The following ST18 variants were observed in gnomAD, a reference collection of about 807,000 sequenced individuals.
ST18 encodes ST18 C2H2C-type zinc finger transcription factor.
A neutral mutation model predicts 110.0 loss-of-function variants in ST18; 50 were observed. The observed-to-expected ratio is 0.45, with a 90% CI of 0.36 to 0.58. ST18 has a LOEUF of 0.58. Ranked by LOEUF, ST18 falls within the 20% of genes least tolerant of loss-of-function variation. The probability of loss-of-function intolerance (pLI) is 0.00; values close to 1 mark genes in which losing one functional copy is unlikely to be tolerated. For missense variants in ST18, 1,306 were observed against 1,280.1 expected, an observed-to-expected ratio of 1.02 and a Z score of -0.31; for synonymous variants, 461 against 452.4, an observed-to-expected ratio of 1.02 and a Z score of -0.24.
intron 8 of ST18, among the ~76,000 whole-genome samples, chr8:52,207,962 A>G (rs1191376772): frequency 1.3e-5 from 2 of 152,266 alleles, no homozygotes; most frequent in Non-Finnish European, 2.9e-5. Flanking sequence ...GTCATGATTT[A>G]GAAAGACACA....
At chr8:52,400,882 C>G (rs1395096370) in intron 2 of ST18, among the ~76,000 whole-genome samples, 3 of 152,052 alleles carry the variant, frequency 2.0e-5, no homozygotes, top group African/African-American at 7.2e-5. Context: ...ATTACATATT[C>G]TGAATTTGAC....
intron 8 of ST18, among the ~76,000 whole-genome samples, chr8:52,196,178 T>C (rs1222032629): frequency 1.3e-5 from 2 of 152,170 alleles, no homozygotes; most frequent in African/African-American, 4.8e-5. Context: ...GGTGCCCTTG[T>C]CTCTCCCCTT....
At chr8:52,212,164 C>G in intron 7 of ST18, 55 bp from the exon 8 acceptor site, 1 of 1,548,706 alleles carries the variant, frequency 6.5e-7, no homozygotes, top group Non-Finnish European at 8.7e-7. Context: ...ATTTTCAAAA[C>G]TGTATAATGG....
intron 2 of ST18, among the ~76,000 whole-genome samples, chr8:52,281,475 A>G (rs909847794): frequency 2.6e-5 from 4 of 152,230 alleles, no homozygotes; most frequent in Admixed American, 2.0e-4. Flanking sequence ...AATGCGAAAG[A>G]AGGAAAACTC....
At chr8:52,327,336 A>G (rs1806969791) in intron 2 of ST18, among the ~76,000 whole-genome samples, 1 of 152,194 alleles carries the variant, frequency 6.6e-6, no homozygotes, top group African/African-American at 2.4e-5. Flanking sequence ...ATGTGGCAAG[A>G]CTGGTCAGCC....
intron 2 of ST18, among the ~76,000 whole-genome samples, chr8:52,308,218 A>T (rs753739759): frequency 1.3e-5 from 2 of 152,196 alleles, no homozygotes; most frequent in African/African-American, 2.4e-5. Flanking sequence ...AATCAAACCA[A>T]GGCGAAAAAA....
intron 2 of ST18, among the ~76,000 whole-genome samples, chr8:52,353,405 A>G (rs1231013006): frequency 1.3e-5 from 2 of 152,356 alleles, no homozygotes; most frequent in South Asian, 2.1e-4. Flanking sequence ...TGTTGTAGAA[A>G]GGCCTTTGGG....
At chr8:52,369,865 T>C (rs1185496444) in intron 2 of ST18, among the ~76,000 whole-genome samples, 1 of 152,200 alleles carries the variant, frequency 6.6e-6, no homozygotes, top group Non-Finnish European at 1.5e-5. Flanking sequence ...ATCCTTATGA[T>C]GTTCATGAAA....
At position 52,158,936 on chromosome 8, in the gene ST18, C is replaced by A; in HGVS notation, c.1768G>T (p.Asp590Tyr). 6.2e-7 allele frequency: 1 copy of A among 1,614,028 alleles called. No homozygotes were observed. Among genetic ancestry groups the A allele is most frequent in the Non-Finnish European group, 8.5e-7 (1 of 1,179,898 alleles). The change falls in exon 15 of 26, where the codon GAC becomes TAC. Residue 590 changes from aspartate to tyrosine, a missense_variant. Transcript: ENST00000689386. Reference sequence around the variant, plus strand: ...CTCTGTGGCTTGTTGGAGAGGATGTCTGTGGCTTCCCTGCAGCGGGTGGAA... The same window carrying A: ...CTCTGTGGCTTGTTGGAGAGGATGTATGTGGCTTCCCTGCAGCGGGTGGAA... The part of the protein sequence containing the change: ...NLSTRCREAT[D>Y]ILSNKPQSLH...
intron 2 of ST18, among the ~76,000 whole-genome samples, chr8:52,345,186 G>C (rs4500095): frequency 1.3e-5 from 2 of 151,876 alleles, no homozygotes; most frequent in African/African-American, 2.4e-5. Context: ...CTGTACACTA[G>C]ATCTCCAGGA....
intron 2 of ST18, chr8:52,406,484 G>C (rs968006393): frequency 7.2e-5 from 11 of 152,336 alleles, no homozygotes; most frequent in African/African-American, 1.9e-4. Context: ...CCTTGAAGGA[G>C]TCCTTGGGGC....
At chr8:52,363,810 G>GT (rs1328621000) in intron 2 of ST18, among the ~76,000 whole-genome samples, 8 of 152,038 alleles carry the variant, frequency 5.3e-5, no homozygotes, top group African/African-American at 1.9e-4. Context: ...GTGTGTGTGA[G>GT]TTTTTCTATA....
intron 9 of ST18, among the ~76,000 whole-genome samples, chr8:52,175,129 C>T (rs2066403379): frequency 6.6e-6 from 1 of 152,030 alleles, no homozygotes; most frequent in Non-Finnish European, 1.5e-5. Flanking sequence ...CTGAGCTTGG[C>T]ACCACCGTAG....
chr8:52,240,716 C>T (rs936845317), intron 2 of ST18, among the ~76,000 whole-genome samples: 1 of 152,104 alleles, frequency 6.6e-6, no homozygotes, highest in Non-Finnish European at 1.5e-5. Flanking sequence ...CCTTTCTTTT[C>T]TTACCTTGCT....
At chr8:52,134,883 A>T (rs981377057) in intron 19 of ST18, among the ~76,000 whole-genome samples, 1 of 152,088 alleles carries the variant, frequency 6.6e-6, no homozygotes, top group Non-Finnish European at 1.5e-5. Context: ...TGTCTCTTTG[A>T]TTTTTCTTGC....
At chr8:52,398,946 C>A (rs1842043092) in intron 2 of ST18, among the ~76,000 whole-genome samples, 1 of 151,814 alleles carries the variant, frequency 6.6e-6, no homozygotes, top group African/African-American at 2.4e-5. Flanking sequence ...GGTAATAATG[C>A]CCTCATAAAA....
intron 2 of ST18, among the ~76,000 whole-genome samples, chr8:52,356,544 G>A (rs964020771): frequency 1.2e-4 from 18 of 152,232 alleles, no homozygotes; most frequent in African/African-American, 4.1e-4. Flanking sequence ...TATTCAAAAT[G>A]TCTAGTTTTC....
intron 2 of ST18, among the ~76,000 whole-genome samples, chr8:52,260,397 A>G (rs776794163): frequency 2.4e-4 from 36 of 152,118 alleles, no homozygotes; most frequent in Non-Finnish European, 4.8e-4. Flanking sequence ...TTTGGTACAC[A>G]GCTCAATCAC....
chr8:52,336,241 C>T (rs148862921), intron 2 of ST18, among the ~76,000 whole-genome samples: 2,331 of 152,154 alleles, frequency 0.015, 67 homozygotes, highest in African/African-American at 0.054. Context: ...CTCTGCCTTC[C>T]GGGTTCAAGC....
Sources: gnomAD v4.1 joint callset for allele counts (sites outside exome capture counted in the v4.1 genomes callset) on GRCh38, gnomAD v4.1.1 for gene constraint, MANE v1.5 for transcripts, NCBI Gene and HGNC (gene_info 2026-07-23, HGNC 2026-07-21) for gene names.